The following TET2 variants were observed in gnomAD, a reference collection of about 807,000 sequenced individuals.
TET2 encodes the protein tet methylcytosine dioxygenase 2.
A neutral mutation model predicts 142.9 loss-of-function variants in TET2; 299 were observed. The observed-to-expected ratio is 2.09, with a 90% confidence interval of 1.90 to 2.30. TET2 has a LOEUF of 2.30. Among genes scored for constraint, TET2 ranks in the 30% most tolerant of loss-of-function variants. The pLI, the probability that TET2 is intolerant of heterozygous loss-of-function variation, is 0.00. For missense variants in TET2, 2,418 were observed against 2,378.0 expected (o/e 1.02, Z -0.35); for synonymous variants, 819 against 849.0 (o/e 0.96, Z 0.61).
intron 2 of TET2, among the ~76,000 whole-genome samples, chr4:105,197,687 A>G (rs1403587267): frequency 6.6e-6 from 1 of 152,230 alleles, no homozygotes; most frequent in Non-Finnish European, 1.5e-5. Flanking sequence ...CTATAGAGGA[A>G]AGTAAATACA....
At chr4:105,201,294 T>G (rs1219854639) in intron 2 of TET2, among the ~76,000 whole-genome samples, 2 of 152,228 alleles carry the variant, frequency 1.3e-5, no homozygotes, top group Non-Finnish European at 2.9e-5. Context: ...CCCACAAATG[T>G]GTAATTTAGG....
intron 8 of TET2, among the ~76,000 whole-genome samples, chr4:105,264,587 T>C (rs1381014416): frequency 6.6e-6 from 1 of 152,222 alleles, no homozygotes; most frequent in Non-Finnish European, 1.5e-5. Flanking sequence ...GTTCAAGTTT[T>C]AATATTTATA....
Position 105,272,570 on chromosome 4 carries a change from A to G in TET2, c.4189A>G (p.Thr1397Ala), listed in dbSNP as rs1214257364. The G allele has an allele frequency of 1.3e-6, 2 of 1,525,880 alleles. No homozygotes were observed. The highest frequency in any genetic ancestry group is 8.8e-7 in the Non-Finnish European group (1 of 1,135,954). The allele number at this position is 1,525,880 out of a possible 1,614,324, so 94.5% of individuals were successfully genotyped here. A position where few individuals can be genotyped will look rare whatever the true frequency, so the allele number is the denominator to read the frequency against. Reference protein sequence around the residue: ...NMQNGSTLVCTLTREDNREFG... With the variant: ...NMQNGSTLVCALTREDNREFG... ...TGTCTTACTTCCCTACCAGGTATGC[A>G]CTCTCACTAGAGAAGACAATCGAGA... The change falls in exon 10 of 11, where the codon ACT becomes GCT. Residue 1397 changes from threonine (T) to alanine (A), a missense_variant. Transcript: ENST00000380013.
intron 2 of TET2, among the ~76,000 whole-genome samples, chr4:105,206,237 C>T (rs1448203435): frequency 6.6e-6 from 1 of 152,212 alleles, no homozygotes; most frequent in Non-Finnish European, 1.5e-5. Flanking sequence ...GTATATATTT[C>T]CTTTCCCCAG....
At chr4:105,169,783 C>T (rs1724354955) in intron 1 of TET2, among the ~76,000 whole-genome samples, 1 of 152,104 alleles carries the variant, frequency 6.6e-6, no homozygotes, top group Admixed American at 6.6e-5. Context: ...GATCTAGTTT[C>T]ATTCTTCTAT....
At chr4:105,212,289 T>A (rs1026504088) in intron 2 of TET2, among the ~76,000 whole-genome samples, 5 of 152,198 alleles carry the variant, frequency 3.3e-5, no homozygotes, top group African/African-American at 1.2e-4. Flanking sequence ...TCTATAAAGA[T>A]TACTCAGTGT....
chr4:105,244,272 A>C (rs187757604), intron 6 of TET2, among the ~76,000 whole-genome samples: 1 of 152,350 alleles, frequency 6.6e-6, no homozygotes, highest in Admixed American at 6.5e-5. Flanking sequence ...CTTTCATTCA[A>C]ACTATTCATT....
rs1365247887 is a variant in TET2, at chr4:105,236,297, T to G, written c.2355T>G (p.Phe785Leu). 4 of 1,613,992 alleles carry G rather than the reference T, an allele frequency of 2.5e-6. No homozygotes were observed. Among genetic ancestry groups the G allele is most frequent in the Non-Finnish European group, 3.4e-6 (4 of 1,180,036 alleles). ...FFGQTKVEEC[F>L]HGENQYSKSS... Reference sequence around the variant, plus strand: ...GCCAGACTAAAGTGGAAGAATGTTTTCATGGTGAAAATCAGTATTCAAAAT... The same window carrying G: ...GCCAGACTAAAGTGGAAGAATGTTTGCATGGTGAAAATCAGTATTCAAAAT... The change falls in exon 3 of 11, where the codon TTT (phenylalanine) becomes TTG (leucine). Residue 785 changes from phenylalanine to leucine, a missense_variant. Physicochemically the swap from Phe to Leu is conservative, Grantham distance 22 (BLOSUM62 0). Transcript: ENST00000380013.
intron 2 of TET2, among the ~76,000 whole-genome samples, chr4:105,221,556 C>A (rs940520906): frequency 4.6e-5 from 7 of 152,220 alleles, no homozygotes; most frequent in Middle Eastern, 3.4e-3. Context: ...CCTGACAAAA[C>A]CTCCTATGCA....
intron 3 of TET2, chr4:105,240,917 T>C (rs2110247424): frequency 9.2e-7 from 1 of 1,081,258 alleles, no homozygotes; most frequent in Non-Finnish European, 1.1e-6. Context: ...GGGGGTGGGA[T>C]AGAGCAGGAA....
At chr4:105,263,991 T>TAAAG (rs1186119323) in intron 8 of TET2, among the ~76,000 whole-genome samples, 11 of 152,090 alleles carry the variant, frequency 7.2e-5, no homozygotes, top group African/African-American at 2.4e-4. Context: ...TTGATAATAT[T>TAAAG]AAAGACTCTC....
intron 1 of TET2, among the ~76,000 whole-genome samples, chr4:105,163,840 AGAGAGAGAGAGAGAGTGT>A (rs1329314993): frequency 3.4e-5 from 4 of 117,384 alleles, no homozygotes; most frequent in African/African-American, 1.5e-4. Context: ...AGAGAGAGAG[AGAGAGAGAGAGAGAGTGT>A]GTGTGTGTGT....
chr4:105,237,102 G>C lies in TET2; in HGVS notation c.3160G>C (p.Val1054Leu). The C allele has an allele frequency of 6.2e-7, 1 of 1,614,142 alleles. No individual in the cohort carries two copies. The highest frequency in any genetic ancestry group is 1.1e-5 in the South Asian group (1 of 91,080). The change falls in exon 3 of 11, where the codon GTA (valine) becomes CTA (leucine). Residue 1054 changes from valine (V) to leucine (L), a missense_variant. Val to Leu is a conservative substitution (Grantham distance 32). Transcript: ENST00000380013. Reference sequence around the variant, plus strand: ...TCTTACTCTCAAATCACAGAAGCAAGTAAAAGTTGAAATGTCAGGGCCAGT... The same window carrying C: ...TCTTACTCTCAAATCACAGAAGCAACTAAAAGTTGAAATGTCAGGGCCAGT... Reference protein sequence around the residue: ...KALTLKSQKQVKVEMSGPVTV... With the variant: ...KALTLKSQKQLKVEMSGPVTV...
intron 1 of TET2, among the ~76,000 whole-genome samples, chr4:105,154,411 G>C (rs1723461034): frequency 1.3e-5 from 2 of 152,200 alleles, no homozygotes; most frequent in Non-Finnish European, 2.9e-5. Flanking sequence ...ATGAGGCTAA[G>C]CATATCTTTC....
intron 2 of TET2, among the ~76,000 whole-genome samples, chr4:105,193,492 T>C (rs1725904393): frequency 2.0e-5 from 3 of 152,154 alleles, no homozygotes; most frequent in Non-Finnish European, 4.4e-5. Flanking sequence ...TTTAGCTATA[T>C]CATTATTTTT....
At position 105,242,921 on chromosome 4, in the gene TET2, T is replaced by TA; in HGVS notation, c.3590dup (p.Trp1198ValfsTer9). The TA allele has an allele frequency of 6.5e-7, 1 of 1,550,250 alleles. No homozygotes were observed. The highest frequency in any genetic ancestry group is 8.7e-7 in the Non-Finnish European group (1 of 1,145,846). ...AAAGTTCTCAGGGATGTCCTATTGC[T>TA]AAGTGGGTAAGTGTGACTTGATAAA... On this transcript the variant is annotated frameshift_variant, in exon 5 of 11. Transcript: ENST00000380013. LOFTEE classifies it high-confidence loss of function.
In TET2 at chr4:105,279,096, T is replaced by C. The variant is rs940877223; in HGVS notation, c.*2577T>C. 4.3e-6 allele frequency: 1 copy of C among 232,658 alleles called. No individual in the cohort carries two copies. The highest frequency in any genetic ancestry group is 2.2e-5 in the African/African-American group (1 of 45,322). The allele number at this position is 232,658 out of a possible 1,614,324, so 14.4% of individuals were successfully genotyped here. A position where few individuals can be genotyped will look rare whatever the true frequency, so the allele number is the denominator to read the frequency against. ...TGTGGTTGTGTCCAATTTGCAAACA[T>C]TTCCAAAAATGTTTGCTTTGCTTAC... On this transcript the variant is annotated 3_prime_UTR_variant, in exon 11 of 11. Coordinates refer to ENST00000380013, the MANE Select transcript of TET2 (RefSeq NM_001127208.3).
Position 105,276,206 on chromosome 4 carries a change from T to A in TET2, c.5696T>A (p.Leu1899His), listed in dbSNP as rs1731215219. ...AGGAATCACCCCACCAGGATCTCCC[T>A]CGTCTTTTACCAGCATAAGAGCATG... ...PNRNHPTRIS[L>H]VFYQHKSMNE... The change falls in exon 11 of 11, where the codon CTC (leucine) becomes CAC (histidine). Residue 1899 changes from leucine to histidine, a missense_variant. By Grantham distance (99) the Leu-to-His change is moderately conservative. Transcript: ENST00000380013. 6.4e-7 allele frequency: 1 copy of A among 1,551,606 alleles called. No individual in the cohort carries two copies. The highest frequency in any genetic ancestry group is 8.7e-7 in the Non-Finnish European group (1 of 1,146,962).
chr4:105,233,383 C>CAAAAA lies in TET2; in HGVS notation c.-46-500_-46-496dup, dbSNP rs34890297. On this transcript the variant is annotated intron_variant, in intron 2 of 10. Coordinates refer to ENST00000380013, the MANE Select transcript of TET2 (RefSeq NM_001127208.3). ...TGGGCAAGAGAGTGAGACTCCATCT[C>CAAAAA]AAAAAAAAAAAAAAAAAAGCTACTG... Among the ~76,000 whole-genome samples, 67 of 76,142 alleles carry CAAAAA rather than the reference C, an allele frequency of 8.8e-4. 10 individuals are homozygous for CAAAAA. Among genetic ancestry groups the CAAAAA allele is most frequent in the African/African-American group, 3.9e-3 (63 of 16,276 alleles). 50.0% of individuals were successfully genotyped at this position (76,142 alleles called of 152,430 possible).
Sources: gnomAD v4.1 joint callset for allele counts (sites outside exome capture counted in the v4.1 genomes callset) on GRCh38, gnomAD v4.1.1 for gene constraint, MANE v1.5 for transcripts, NCBI Gene and HGNC (gene_info 2026-07-23, HGNC 2026-07-21) for gene names.